Variants in LRRIQ1 observed in about 807,000 individuals in gnomAD.
The protein encoded by LRRIQ1 is leucine-rich repeat- and IQ domain-containing protein 1.
Under a neutral mutation model 211.9 loss-of-function variants are expected in LRRIQ1, and 210 were observed. The ratio of observed to expected loss-of-function variants is 0.99; its 90% CI spans 0.89 to 1.11. LRRIQ1 has a LOEUF of 1.11. Among genes scored for constraint, LRRIQ1 ranks in the 50% most tolerant of loss-of-function variants. LRRIQ1 has a pLI of 0.00. For synonymous variants in LRRIQ1, 699 were observed against 650.1 expected, an observed-to-expected ratio of 1.08 and a Z score of -1.14; for missense variants, 2,136 against 1,939.5, an observed-to-expected ratio of 1.10 and a Z score of -1.90.
chr12:85,128,803 A>G (rs1888557185), intron 18 of LRRIQ1, among the ~76,000 whole-genome samples: 1 of 152,210 alleles, frequency 6.6e-6, no homozygotes, highest in Admixed American at 6.5e-5. Context: ...AATCTCACCA[A>G]GACCAGGGTT....
intron 18 of LRRIQ1, among the ~76,000 whole-genome samples, chr12:85,133,004 C>T (rs1382368196): frequency 6.6e-6 from 1 of 151,644 alleles, no homozygotes; most frequent in Non-Finnish European, 1.5e-5. Flanking sequence ...AATTAATCAA[C>T]TGTATTTTTT....
intron 10 of LRRIQ1, among the ~76,000 whole-genome samples, chr12:85,068,752 T>A (rs1160211684): frequency 1.3e-5 from 2 of 150,986 alleles, no homozygotes; most frequent in Non-Finnish European, 3.0e-5. Context: ...TCTAGGTCTT[T>A]GAAGTCCCTT....
chr12:85,124,709 A>C (rs924985618), intron 17 of LRRIQ1, 190 bp downstream of exon 17: 6 of 514,762 alleles, frequency 1.2e-5, no homozygotes, highest in Non-Finnish European at 2.0e-5. Flanking sequence ...TATAGTGCAT[A>C]TTAATTTGAT....
At chr12:85,070,340 A>G (rs1346671321) in intron 10 of LRRIQ1, among the ~76,000 whole-genome samples, 1 of 152,010 alleles carries the variant, frequency 6.6e-6, no homozygotes, top group Non-Finnish European at 1.5e-5. Flanking sequence ...TTCATCCGTT[A>G]ATTAATATGA....
intron 19 of LRRIQ1, among the ~76,000 whole-genome samples, chr12:85,149,717 G>A (rs1592886990): frequency 7.8e-6 from 1 of 127,524 alleles, no homozygotes; most frequent in Non-Finnish European, 1.6e-5. Context: ...ATATAAATTC[G>A]TTGTCTTGGT....
chr12:85,137,925 G>A lies in LRRIQ1; in HGVS notation c.4285G>A (p.Glu1429Lys). Residue 1429 changes from glutamate (E) to lysine (K), a missense_variant, in exon 19 of 27, where the codon GAA (glutamate) becomes AAA (lysine). Physicochemically the swap from Glu to Lys is moderately conservative, Grantham distance 56. Coordinates refer to ENST00000393217, the MANE Select transcript of LRRIQ1 (RefSeq NM_001079910.2). Reference sequence around the variant, plus strand: ...GGCTATTAAGAATGAAGAATCCGATGAAGAATACAGAGAAATAGATTTAGA... The same window carrying A: ...GGCTATTAAGAATGAAGAATCCGATAAAGAATACAGAGAAATAGATTTAGA... ...LEAIKNEESD[E>K]EYREIDLEDF... The A allele has an allele frequency of 2.0e-6, 3 of 1,522,114 alleles. No homozygotes were observed. The South Asian group carries it at 3.4e-5, about 17-fold the overall frequency. The allele number at this position is 1,522,114 out of a possible 1,614,324, so 94.3% of individuals were successfully genotyped here.
downstream of LRRIQ1, among the ~76,000 whole-genome samples, chr12:85,267,436 G>A (rs142838441): frequency 2.0e-3 from 305 of 152,062 alleles, no homozygotes; most frequent in African/African-American, 7.0e-3. Flanking sequence ...AGTAATTTTA[G>A]ATTAACATCT....
intron 19 of LRRIQ1, among the ~76,000 whole-genome samples, chr12:85,144,746 G>A (rs1889774155): frequency 6.6e-6 from 1 of 151,608 alleles, no homozygotes; most frequent in Non-Finnish European, 1.5e-5. Context: ...TATTTCAAGT[G>A]TGATAGAATG....
At chr12:85,242,241 T>C (rs1895497794) in intron 26 of LRRIQ1, among the ~76,000 whole-genome samples, 4 of 152,012 alleles carry the variant, frequency 2.6e-5, no homozygotes, top group Admixed American at 1.3e-4. Flanking sequence ...ATGTCGAATG[T>C]GTGATCAGTT....
chr12:85,245,534 T>C (rs1313109974), downstream of LRRIQ1, among the ~76,000 whole-genome samples: 2 of 149,356 alleles, frequency 1.3e-5, no homozygotes, highest in African/African-American at 4.9e-5. Context: ...GTTATATATA[T>C]GTAGAGAAAG....
chr12:85,253,056 C>G (rs1895993815), intron 1 of LRRIQ1, among the ~76,000 whole-genome samples: 1 of 151,746 alleles, frequency 6.6e-6, no homozygotes, highest in African/African-American at 2.4e-5. Context: ...AAAAAGAAAA[C>G]AATGTCTTAC....
intron 24 of LRRIQ1, among the ~76,000 whole-genome samples, chr12:85,170,808 A>C (rs988270453): frequency 2.6e-5 from 4 of 152,088 alleles, no homozygotes; most frequent in Admixed American, 6.6e-5. Context: ...GTAAGAAATT[A>C]TAAGTCAAGA....
chr12:85,036,665 A>G (rs1878126369), intron 1 of LRRIQ1, among the ~76,000 whole-genome samples: 1 of 151,750 alleles, frequency 6.6e-6, no homozygotes, highest in South Asian at 2.1e-4. Context: ...GCTCCCCACA[A>G]ACCAATTGAC....
At chr12:85,174,654 A>G (rs1378266745) in intron 24 of LRRIQ1, among the ~76,000 whole-genome samples, 1 of 140,648 alleles carries the variant, frequency 7.1e-6, no homozygotes, top group East Asian at 2.1e-4. Context: ...GTGAACCAAG[A>G]TCACGCCACT....
chr12:85,044,642 A>T, intron 3 of LRRIQ1, 76 bp from the exon 4 acceptor site: 1 of 667,222 alleles, frequency 1.5e-6, no homozygotes, highest in Non-Finnish European at 2.5e-6. Flanking sequence ...GTTAAAAATT[A>T]AGAAAGGGTT....
chr12:85,040,351 T>G, intron 2 of LRRIQ1, 139 bp from the exon 3 acceptor site: 1 of 429,118 alleles, frequency 2.3e-6, no homozygotes, highest in Non-Finnish European at 4.2e-6. Flanking sequence ...TTGTCTGAAC[T>G]GTGCTGTTTA....
At chr12:85,140,720 A>G (rs567253517) in intron 19 of LRRIQ1, among the ~76,000 whole-genome samples, 16 of 151,172 alleles carry the variant, frequency 1.1e-4, no homozygotes, top group East Asian at 2.0e-4. Flanking sequence ...GATGTTTCCT[A>G]TAGGTTTCTT....
intron 11 of LRRIQ1, among the ~76,000 whole-genome samples, chr12:85,096,777 A>G (rs1438510291): frequency 6.6e-6 from 1 of 152,140 alleles, no homozygotes; most frequent in African/African-American, 2.4e-5. Flanking sequence ...GTCCTCCATG[A>G]TTACTGTGTG....
intron 19 of LRRIQ1, among the ~76,000 whole-genome samples, chr12:85,147,943 G>A (rs1889997658): frequency 6.6e-6 from 1 of 151,718 alleles, no homozygotes; most frequent in Non-Finnish European, 1.5e-5. Context: ...TTCCATAGGA[G>A]TGTACCTGAT....
Sources: allele counts gnomAD v4.1 joint callset (sites outside exome capture counted in the v4.1 genomes callset), GRCh38; gene constraint gnomAD v4.1.1; transcripts MANE v1.5; gene names NCBI Gene and HGNC (gene_info 2026-07-23, HGNC 2026-07-21).